The following BRAF variants were observed in gnomAD, a reference collection of about 807,000 sequenced individuals.
BRAF encodes the protein B-Raf proto-oncogene, serine/threonine kinase.
In BRAF, 16 loss-of-function variants were observed where a neutral mutation model predicts 104.6. The observed-to-expected ratio is 0.15, with a 90% CI of 0.10 to 0.23. BRAF has a LOEUF of 0.23. Ranked by LOEUF, BRAF falls within the 10% of genes least tolerant of loss-of-function variation. The pLI, the probability that BRAF is intolerant of heterozygous loss-of-function variation, is 1.00. For synonymous variants in BRAF, 310 were observed against 341.6 expected, an observed-to-expected ratio of 0.91 and a Z score of 1.02; for missense variants, 541 against 937.3, an observed-to-expected ratio of 0.58 and a Z score of 5.52.
chr7:140,911,365 C>T lies in BRAF; in HGVS notation c.138+13201G>A, dbSNP rs555534813. Among the ~76,000 whole-genome samples the T allele has an allele frequency of 1.3e-4, 20 of 152,226 alleles. 1 individual carries two copies. In the South Asian group the frequency reaches 1.5e-3, roughly 11 times the overall value. On this transcript the variant is annotated intron_variant, in intron 1 of 19. Coordinates refer to ENST00000644969, the MANE Select transcript of BRAF (RefSeq NM_001374258.1). Reference sequence around the variant, plus strand: ...ACGGCTACTGTCTACCATATTAAGACGACACTGAACATTTCCATCATCACA... The same window carrying T: ...ACGGCTACTGTCTACCATATTAAGATGACACTGAACATTTCCATCATCACA...
At chr7:140,790,855 C>T (rs1404907297) in intron 8 of BRAF, among the ~76,000 whole-genome samples, 1 of 152,178 alleles carries the variant, frequency 6.6e-6, no homozygotes, top group African/African-American at 2.4e-5. Context: ...GCCTGTAATC[C>T]CAACACTCTG....
At chr7:140,815,000 C>T (rs1804713491) in intron 3 of BRAF, among the ~76,000 whole-genome samples, 1 of 151,664 alleles carries the variant, frequency 6.6e-6, no homozygotes, top group Non-Finnish European at 1.5e-5. Flanking sequence ...CTTCATGATA[C>T]AGTAACATCT....
intron 14 of BRAF, among the ~76,000 whole-genome samples, chr7:140,757,267 G>C (rs1798277708): frequency 6.6e-6 from 1 of 151,750 alleles, no homozygotes; most frequent in Admixed American, 6.6e-5. Flanking sequence ...TCTTATACTT[G>C]TATATTTCTC....
chr7:140,892,647 T>TA (rs1554423165), intron 1 of BRAF, among the ~76,000 whole-genome samples: 1 of 152,216 alleles, frequency 6.6e-6, no homozygotes, highest in Non-Finnish European at 1.5e-5. Flanking sequence ...GGATGGCTGA[T>TA]AGACGTGGGC....
At chr7:140,838,327 C>T (rs2706774) in intron 2 of BRAF, among the ~76,000 whole-genome samples, 45,172 of 151,922 alleles carry the variant, frequency 0.3, 10,760 homozygotes, top group African/African-American at 0.66. Flanking sequence ...AATGAGATAA[C>T]ACAAGTAAAA....
intron 3 of BRAF, among the ~76,000 whole-genome samples, chr7:140,828,876 C>G (rs560847021): frequency 6.6e-6 from 1 of 152,214 alleles, no homozygotes; most frequent in East Asian, 1.9e-4. Flanking sequence ...ACTAAGGGAG[C>G]AGTTTTCTCA....
intron 19 of BRAF, among the ~76,000 whole-genome samples, chr7:140,727,183 T>G (rs74521664): frequency 7.1e-6 from 1 of 141,496 alleles, no homozygotes; most frequent in Non-Finnish European, 1.5e-5. Context: ...CATTATTTTT[T>G]TCTTTTTTTT....
At chr7:140,735,799 C>G (rs1489307866) in intron 18 of BRAF, among the ~76,000 whole-genome samples, 1 of 152,128 alleles carries the variant, frequency 6.6e-6, no homozygotes, top group Non-Finnish European at 1.5e-5. Flanking sequence ...CTCAGGTGAT[C>G]TGCCTGCCTC....
intron 1 of BRAF, among the ~76,000 whole-genome samples, chr7:140,859,051 A>G (rs560354884): frequency 1.9e-4 from 29 of 152,200 alleles, no homozygotes; most frequent in Non-Finnish European, 3.2e-4. Flanking sequence ...GCCAGAGCCA[A>G]TTAAAAAAAG....
intron 13 of BRAF, among the ~76,000 whole-genome samples, chr7:140,777,305 C>A (rs971745383): frequency 2.0e-4 from 31 of 152,042 alleles, no homozygotes; most frequent in Non-Finnish European, 1.5e-5. Context: ...ATCTGACAGG[C>A]AACTAGAGGT....
At chr7:140,898,883 T>C (rs913028084) in intron 1 of BRAF, among the ~76,000 whole-genome samples, 2 of 152,184 alleles carry the variant, frequency 1.3e-5, no homozygotes, top group African/African-American at 4.8e-5. Flanking sequence ...CACTTAATCT[T>C]TTGTGACTTG....
At position 140,734,742 on chromosome 7, in the gene BRAF, C is replaced by A. The variant is rs368528867; in HGVS notation, c.2276G>T (p.Arg759Leu). ...ACTGCGGTGAATTTTTGGCAATGAG[C>A]GGGCCAGCAGCTCAATAGAGGCGAG... ...QILASIELLA[R>L]SLPKIHRSAS... Residue 759 changes from arginine to leucine, a missense_variant, in exon 19 of 20, where the codon CGC (arginine) becomes CTC (leucine). Arg to Leu is a moderately radical substitution (Grantham distance 102, BLOSUM62 -2). Coordinates refer to ENST00000644969, the MANE Select transcript of BRAF (RefSeq NM_001374258.1). 3 of 1,573,558 alleles carry A rather than the reference C, an allele frequency of 1.9e-6. No individual in the cohort carries two copies. The highest frequency in any genetic ancestry group is 2.6e-6 in the Non-Finnish European group (3 of 1,167,310).
Position 140,924,808 on chromosome 7 carries a change from G to C in BRAF, c.-105C>G, listed in dbSNP as rs916360855. ...AGGCGGAGGCGGAGGCGGAGGAGCG[G>C]GGGGCGCGGGGGGCGCGGGGAGGAG... On this transcript the variant is annotated 5_prime_UTR_variant, in exon 1 of 20. Transcript: ENST00000644969. This position sits in a 1 kb window ranked among gnomAD's most constrained non-coding sequence, Gnocchi z 4.2. The C allele has an allele frequency of 1.2e-5, 5 of 405,032 alleles. No individual in the cohort carries two copies. Among genetic ancestry groups the C allele is most frequent in the African/African-American group, 4.3e-5 (2 of 46,750 alleles). The allele number at this position is 405,032 out of a possible 1,614,324, so 25.1% of individuals were successfully genotyped here. A position where few individuals can be genotyped will look rare whatever the true frequency, so the allele number is the denominator to read the frequency against.
chr7:140,912,887 A>C (rs1162298556), intron 1 of BRAF, among the ~76,000 whole-genome samples: 1 of 152,176 alleles, frequency 6.6e-6, no homozygotes, highest in Non-Finnish European at 1.5e-5. Flanking sequence ...ACTACTTCTC[A>C]GTATTTCTGC....
At position 140,838,511 on chromosome 7, in the gene BRAF, T is replaced by G. The variant is rs146274239; in HGVS notation, c.241-3639A>C. Among the ~76,000 whole-genome samples, 12 of 152,232 alleles carry G rather than the reference T, an allele frequency of 7.9e-5. No individual in the cohort carries two copies. In the East Asian group the frequency reaches 2.3e-3, roughly 29 times the overall value. On this transcript the variant is annotated intron_variant, in intron 2 of 19. Transcript: ENST00000644969. ...AAAGAAAAAAGAATCTAAGAAGACT[T>G]AATATCATTAAAATGACAACGCTTC...
intron 1 of BRAF, among the ~76,000 whole-genome samples, chr7:140,873,154 CACA>C (rs1811806160): frequency 6.8e-6 from 1 of 146,870 alleles, no homozygotes; most frequent in Non-Finnish European, 1.5e-5. Context: ...GTAAGAACAT[CACA>C]GTCTGTGGCT....
At chr7:140,874,262 C>T (rs1295806048) in intron 1 of BRAF, among the ~76,000 whole-genome samples, 2 of 145,226 alleles carry the variant, frequency 1.4e-5, no homozygotes, top group Non-Finnish European at 3.0e-5. Context: ...AGTGCAGTGG[C>T]GCGACCTCAA....
rs78908441 is a variant in BRAF at position 140,859,269 on chromosome 7, C to A, written c.139-9057G>T. Among the ~76,000 whole-genome samples, 1,192 of 152,268 alleles carry A rather than the reference C, an allele frequency of 7.8e-3. 17 individuals carry two copies. Among genetic ancestry groups the A allele is most frequent in the African/African-American group, 0.027 (1,111 of 41,554 alleles). The stretch of plus-strand genomic sequence containing the variant: ...TGGCTCAGGAGGTCTGAGTTTGTTT[C>A]ATGCAAGAAAAGGCTGATCAGCCAC... On this transcript the variant is annotated intron_variant, in intron 1 of 19. Coordinates refer to ENST00000644969, the MANE Select transcript of BRAF (RefSeq NM_001374258.1).
intron 3 of BRAF, among the ~76,000 whole-genome samples, chr7:140,828,934 G>T (rs1806386325): frequency 6.6e-6 from 1 of 152,110 alleles, no homozygotes; most frequent in Non-Finnish European, 1.5e-5. Context: ...CAGATGAAAT[G>T]ATCTCATAGT....
Sources: gnomAD v4.1 joint callset for allele counts (sites outside exome capture counted in the v4.1 genomes callset) on GRCh38, gnomAD v4.1.1 for gene constraint, Gnocchi (gnomAD v3.1) non-coding constraint, MANE v1.5 for transcripts, NCBI Gene and HGNC (gene_info 2026-07-23, HGNC 2026-07-21) for gene names.